Variants in GALNT7 observed in about 807,000 individuals in gnomAD.
GALNT7 encodes the protein polypeptide N-acetylgalactosaminyltransferase 7, also known as N-acetylgalactosaminyltransferase 7.
In GALNT7, 60 loss-of-function variants were observed where a neutral mutation model predicts 82.1. That is an observed-to-expected ratio of 0.73 (90% CI 0.59 to 0.91). The LOEUF (loss-of-function observed/expected upper bound fraction) is 0.91, where lower values mean the gene tolerates loss of function less well. Among genes scored for constraint, GALNT7 ranks in the 40% least tolerant of loss-of-function variants. The probability of loss-of-function intolerance (pLI) is 0.00; values close to 1 mark genes in which losing one functional copy is unlikely to be tolerated. For missense variants in GALNT7, 660 were observed against 804.2 expected (o/e 0.82, Z 2.17); for synonymous variants, 243 against 275.1 (o/e 0.88, Z 1.15).
At chr4:173,170,196 G>A (rs916803760) in intron 1 of GALNT7, among the ~76,000 whole-genome samples, 7 of 152,340 alleles carry the variant, frequency 4.6e-5, no homozygotes, top group Middle Eastern at 3.4e-3. Flanking sequence ...AACTGGGCCG[G>A]CTGCCAGTGG....
chr4:173,204,861 CTT>C (rs1733039433), intron 1 of GALNT7, among the ~76,000 whole-genome samples: 1 of 152,124 alleles, frequency 6.6e-6, no homozygotes, highest in African/African-American at 2.4e-5. Flanking sequence ...TATTATGTCT[CTT>C]TGTTTTTCAT....
chr4:173,236,556 A>G (rs187599290), intron 1 of GALNT7, among the ~76,000 whole-genome samples: 1 of 152,062 alleles, frequency 6.6e-6, no homozygotes, highest in Admixed American at 6.6e-5. Context: ...TTCTTAAGAG[A>G]CCCTCTGAGG....
At chr4:173,316,310 A>C (rs1737600264) in intron 9 of GALNT7, 1 of 152,348 alleles carries the variant, frequency 6.6e-6, no homozygotes, top group African/African-American at 2.4e-5. Context: ...ATGCATGGCC[A>C]GCTCTCACAC....
chr4:173,279,628 G>T (rs1228579751), intron 2 of GALNT7, among the ~76,000 whole-genome samples: 1 of 152,108 alleles, frequency 6.6e-6, no homozygotes, highest in African/African-American at 2.4e-5. Flanking sequence ...TGATGAAAAT[G>T]AGCAAAAGAG....
intron 1 of GALNT7, among the ~76,000 whole-genome samples, chr4:173,180,528 A>G (rs1732211000): frequency 6.6e-6 from 1 of 152,046 alleles, no homozygotes; most frequent in Non-Finnish European, 1.5e-5. Context: ...GGGTTTCACC[A>G]TGTTGGCCAG....
At chr4:173,288,743 T>C (rs1047144330) in intron 2 of GALNT7, among the ~76,000 whole-genome samples, 2 of 152,138 alleles carry the variant, frequency 1.3e-5, no homozygotes, top group African/African-American at 4.8e-5. Context: ...TATCCCCTTA[T>C]ATAGTGCCAT....
At chr4:173,213,362 G>T (rs1047470813) in intron 1 of GALNT7, among the ~76,000 whole-genome samples, 10 of 151,942 alleles carry the variant, frequency 6.6e-5, no homozygotes, top group African/African-American at 2.2e-4. Flanking sequence ...TTGTTAGAAG[G>T]TACCTTGTTC....
intron 1 of GALNT7, among the ~76,000 whole-genome samples, chr4:173,247,439 G>A (rs1734683610): frequency 6.6e-6 from 1 of 151,566 alleles, no homozygotes; most frequent in Non-Finnish European, 1.5e-5. Flanking sequence ...CTCTCAGTGA[G>A]TAAAAAATAC....
chr4:173,297,729 G>A (rs900721521), intron 5 of GALNT7: 9 of 677,996 alleles, frequency 1.3e-5, no homozygotes, highest in East Asian at 9.3e-5. Flanking sequence ...AAGAGATAAC[G>A]TAGTTAGGCA....
At chr4:173,231,098 C>T (rs1734018270) in intron 1 of GALNT7, among the ~76,000 whole-genome samples, 2 of 152,172 alleles carry the variant, frequency 1.3e-5, no homozygotes, top group Admixed American at 1.3e-4. Flanking sequence ...GCACTTTAGT[C>T]CTTACTTATG....
intron 1 of GALNT7, among the ~76,000 whole-genome samples, chr4:173,188,687 C>T (rs1732528743): frequency 1.3e-5 from 2 of 152,140 alleles, no homozygotes; most frequent in African/African-American, 4.8e-5. Flanking sequence ...GCCTTGAGGC[C>T]TTCCTTTCAT....
chr4:173,257,956 G>A (rs561885572), intron 2 of GALNT7, among the ~76,000 whole-genome samples: 2 of 152,302 alleles, frequency 1.3e-5, no homozygotes, highest in African/African-American at 4.8e-5. Flanking sequence ...GTCCACACGT[G>A]GTAAGCTGCA....
intron 9 of GALNT7, among the ~76,000 whole-genome samples, chr4:173,314,628 CCTTGATCA>C (rs1737526357): frequency 6.6e-6 from 1 of 152,182 alleles, no homozygotes; most frequent in African/African-American, 2.4e-5. Context: ...TGCTTCAGGA[CCTTGATCA>C]CTTGTGTCCA....
chr4:173,175,416 A>G (rs1732005455), intron 1 of GALNT7, among the ~76,000 whole-genome samples: 1 of 152,194 alleles, frequency 6.6e-6, no homozygotes, highest in African/African-American at 2.4e-5. Context: ...AAGTTTATTC[A>G]CTTAATTAAT....
At chr4:173,278,054 G>A (rs1735980412) in intron 2 of GALNT7, among the ~76,000 whole-genome samples, 1 of 152,154 alleles carries the variant, frequency 6.6e-6, no homozygotes, top group Non-Finnish European at 1.5e-5. Context: ...TTTTCAAAGG[G>A]GAGAGAGAAA....
chr4:173,279,517 A>T (rs750357762), intron 2 of GALNT7, among the ~76,000 whole-genome samples: 112 of 152,308 alleles, frequency 7.4e-4, no homozygotes, highest in Non-Finnish European at 1.2e-3. Context: ...ATGTATATTG[A>T]TTTCTGAATG....
At chr4:173,291,625 T>G (rs1736534476) in intron 2 of GALNT7, among the ~76,000 whole-genome samples, 3 of 152,236 alleles carry the variant, frequency 2.0e-5, no homozygotes, top group Admixed American at 1.3e-4. Context: ...GCTTGCTATA[T>G]GCCTCAGGTC....
At chr4:173,221,679 A>G (rs1733649220) in intron 1 of GALNT7, among the ~76,000 whole-genome samples, 1 of 152,234 alleles carries the variant, frequency 6.6e-6, no homozygotes, top group Admixed American at 6.5e-5. Flanking sequence ...AGTATTATCT[A>G]TCAAATAGTT....
In GALNT7 at chr4:173,322,399, C is replaced by G. The variant is rs919011180; in HGVS notation, c.*682C>G. The G allele has an allele frequency of 1.3e-5, 2 of 152,590 alleles. No individual in the cohort carries two copies. Among genetic ancestry groups the G allele is most frequent in the African/African-American group, 4.8e-5 (2 of 41,440 alleles). 9.5% of individuals were successfully genotyped at this position (152,590 alleles called of 1,614,324 possible). A position where few individuals can be genotyped will look rare whatever the true frequency, so the allele number is the denominator to read the frequency against. On this transcript the variant is annotated 3_prime_UTR_variant, in exon 12 of 12. Coordinates refer to ENST00000265000, the MANE Select transcript of GALNT7 (RefSeq NM_017423.3). ...TGCTGCCATTTGCTATAAAGTTGAACTTTGTATGGCTTGAAAAAGAAATGA... is the reference window on the plus strand; with the variant it reads ...TGCTGCCATTTGCTATAAAGTTGAAGTTTGTATGGCTTGAAAAAGAAATGA...
Sources: gnomAD v4.1 joint callset for allele counts (sites outside exome capture counted in the v4.1 genomes callset) on GRCh38, gnomAD v4.1.1 for gene constraint, MANE v1.5 for transcripts, NCBI Gene and HGNC (gene_info 2026-07-23, HGNC 2026-07-21) for gene names.